The following TANC1 variants were observed in gnomAD, a reference collection of about 807,000 sequenced individuals.
TANC1 encodes protein TANC1.
TANC1 carries 77 observed loss-of-function variants against 149.7 expected under a neutral mutation model. That is an observed-to-expected ratio of 0.51 (90% confidence interval 0.43 to 0.62). The LOEUF (loss-of-function observed/expected upper bound fraction) is 0.62. Ranked by LOEUF, TANC1 falls within the 20% of genes least tolerant of loss-of-function variation. The probability of loss-of-function intolerance (pLI) is 0.00; values close to 1 mark genes in which losing one functional copy is unlikely to be tolerated. For synonymous variants in TANC1, 854 were observed against 925.0 expected, an observed-to-expected ratio of 0.92 and a Z score of 1.39; for missense variants, 1,985 against 2,321.8, an observed-to-expected ratio of 0.85 and a Z score of 2.98.
chr2:159,073,120 C>A (rs1231335956), intron 3 of TANC1, among the ~76,000 whole-genome samples: 1 of 152,124 alleles, frequency 6.6e-6, no homozygotes, highest in South Asian at 2.1e-4. Context: ...CAAGCAGTTT[C>A]GAGAATAGAT....
chr2:159,016,655 T>A (rs777538906), intron 2 of TANC1, among the ~76,000 whole-genome samples: 7 of 151,536 alleles, frequency 4.6e-5, no homozygotes, highest in Non-Finnish European at 2.9e-5. Flanking sequence ...GCTCACTGCA[T>A]GCTCTGCCTC....
At chr2:159,047,058 G>T (rs1484964923) in intron 2 of TANC1, among the ~76,000 whole-genome samples, 1 of 152,002 alleles carries the variant, frequency 6.6e-6, no homozygotes, top group African/African-American at 2.4e-5. Flanking sequence ...TGTGGCTTCA[G>T]CCACCATCCA....
At chr2:159,130,151 G>A (rs1314989774) in intron 4 of TANC1, among the ~76,000 whole-genome samples, 1 of 151,982 alleles carries the variant, frequency 6.6e-6, no homozygotes, top group Non-Finnish European at 1.5e-5. Flanking sequence ...TGTTGTTGTT[G>A]TTTATTTCAT....
At chr2:159,186,744 G>A (rs958307293) in intron 15 of TANC1, 158 bp from the exon 16 acceptor site, 17 of 822,486 alleles carry the variant, frequency 2.1e-5, no homozygotes, top group Admixed American at 1.1e-4. Context: ...GTGAAAGCTC[G>A]CATGTCCAGG....
intron 1 of TANC1, among the ~76,000 whole-genome samples, chr2:158,971,750 A>G (rs1183270297): frequency 6.6e-6 from 1 of 152,196 alleles, no homozygotes; most frequent in African/African-American, 2.4e-5. Context: ...CCAGTGCTGT[A>G]ATGTTAGAAC....
At chr2:158,983,060 A>G (rs2034554081) in intron 1 of TANC1, among the ~76,000 whole-genome samples, 2 of 152,212 alleles carry the variant, frequency 1.3e-5, no homozygotes, top group South Asian at 4.1e-4. Context: ...GATAATCTGT[A>G]TGGGAGTTGG....
At chr2:158,998,852 C>T (rs371665413) in intron 1 of TANC1, among the ~76,000 whole-genome samples, 2 of 152,128 alleles carry the variant, frequency 1.3e-5, no homozygotes, top group Non-Finnish European at 1.5e-5. Flanking sequence ...GCCATTCCCC[C>T]CTCCCCTCTG....
intron 2 of TANC1, among the ~76,000 whole-genome samples, chr2:159,025,032 C>T (rs571171592): frequency 1.1e-4 from 16 of 152,262 alleles, no homozygotes; most frequent in African/African-American, 3.8e-4. Context: ...CATTAAGCCA[C>T]CTATGACTGT....
intron 15 of TANC1, 151 bp from the exon 16 acceptor site, chr2:159,186,751 C>T (rs1452086295): frequency 2.2e-6 from 2 of 891,304 alleles, no homozygotes; most frequent in African/African-American, 1.7e-5. Context: ...CTCGCATGTC[C>T]AGGCATTCTT....
chr2:159,139,080 C>T (rs2051087708), intron 5 of TANC1, among the ~76,000 whole-genome samples: 2 of 151,996 alleles, frequency 1.3e-5, no homozygotes, highest in South Asian at 4.1e-4. Flanking sequence ...TTTCTTAAAG[C>T]TTGCAAGCTG....
At chr2:159,179,735 C>T (rs187813778) in intron 14 of TANC1, among the ~76,000 whole-genome samples, 71 of 152,342 alleles carry the variant, frequency 4.7e-4, no homozygotes, top group Non-Finnish European at 9.3e-4. Flanking sequence ...GTGTGGTGGA[C>T]TGGACCAGGC....
intron 20 of TANC1, 63 bp downstream of exon 20, chr2:159,217,693 GGCTCCCCTGAGAACACAATGCA>G: frequency 6.3e-7 from 1 of 1,585,888 alleles, no homozygotes; most frequent in Non-Finnish European, 8.6e-7. Flanking sequence ...ACTATTGCCT[GGCTCCCCTGAGAACACAATGCA>G]GCTCCCCTGA....
At chr2:159,112,571 T>TTTTC (rs2047845551) in intron 4 of TANC1, among the ~76,000 whole-genome samples, 1 of 151,014 alleles carries the variant, frequency 6.6e-6, no homozygotes, top group South Asian at 2.1e-4. Flanking sequence ...TTTTTTTTTT[T>TTTTC]TTCTCGTTTT....
intron 2 of TANC1, among the ~76,000 whole-genome samples, chr2:159,064,429 A>G (rs1334054380): frequency 6.6e-6 from 1 of 152,192 alleles, no homozygotes; most frequent in Non-Finnish European, 1.5e-5. Context: ...TCTGCCTAAG[A>G]TACTATCTTT....
chr2:159,177,295 A>G (rs1365655986), intron 13 of TANC1, among the ~76,000 whole-genome samples: 1 of 152,088 alleles, frequency 6.6e-6, no homozygotes, highest in African/African-American at 2.4e-5. Flanking sequence ...AGCGAGGGGT[A>G]GGGTGATTTT....
chr2:159,216,264 T>C (rs2059338779), intron 19 of TANC1, among the ~76,000 whole-genome samples: 1 of 152,176 alleles, frequency 6.6e-6, no homozygotes, highest in East Asian at 1.9e-4. Flanking sequence ...GAGAGGTCTG[T>C]CTGCCTGACT....
intron 3 of TANC1, among the ~76,000 whole-genome samples, chr2:159,071,710 C>T (rs183008279): frequency 3.3e-5 from 5 of 152,256 alleles, no homozygotes; most frequent in African/African-American, 9.6e-5. Flanking sequence ...GTAGAAAATA[C>T]GAAGCTGCTT....
At chr2:159,148,615 A>G (rs2052417842) in intron 5 of TANC1, 1 of 152,210 alleles carries the variant, frequency 6.6e-6, no homozygotes, top group African/African-American at 2.4e-5. Flanking sequence ...CCTGGTTTTG[A>G]CTTTCACTAC....
At chr2:159,004,065 G>A (rs2036896642) in intron 2 of TANC1, 2 of 1,612,240 alleles carry the variant, frequency 1.2e-6, no homozygotes, top group Admixed American at 1.7e-5. Context: ...CAATCCCAAA[G>A]TCCAAGCTTC....
Sources: gnomAD v4.1 joint callset for allele counts (sites outside exome capture counted in the v4.1 genomes callset) on GRCh38, gnomAD v4.1.1 for gene constraint, MANE v1.5 for transcripts, NCBI Gene and HGNC (gene_info 2026-07-23, HGNC 2026-07-21) for gene names.